PCDH9: variants seen among roughly 807,000 people sequenced by gnomAD.
PCDH9 encodes the protein protocadherin-9.
Under a neutral mutation model 70.6 loss-of-function variants are expected in PCDH9, and 24 were observed. The ratio of observed to expected loss-of-function variants is 0.34; its 90% CI spans 0.25 to 0.48. The LOEUF is 0.48. PCDH9 is among the 20% of genes least tolerant of loss of function. The pLI is 0.99. For synonymous variants in PCDH9, 562 were observed against 558.5 expected (o/e 1.01, Z -0.09); for missense variants, 1,281 against 1,503.6 (o/e 0.85, Z 2.45).
At chr13:67,133,553 T>C (rs2087158895) in intron 2 of PCDH9, among the ~76,000 whole-genome samples, 1 of 152,096 alleles carries the variant, frequency 6.6e-6, no homozygotes, top group African/African-American at 2.4e-5. Context: ...TGTCACAACA[T>C]TTGAGAAAAA....
chr13:66,696,424 A>G (rs2078563348), intron 3 of PCDH9, among the ~76,000 whole-genome samples: 2 of 152,228 alleles, frequency 1.3e-5, no homozygotes, highest in South Asian at 4.1e-4. Flanking sequence ...AACATAAGGT[A>G]AACGTCTTAA....
chr13:66,970,158 T>C (rs1328670347), intron 2 of PCDH9, among the ~76,000 whole-genome samples: 1 of 152,030 alleles, frequency 6.6e-6, no homozygotes, highest in Non-Finnish European at 1.5e-5. Context: ...TTAAACTGAT[T>C]AGAATTTCAG....
intron 2 of PCDH9, among the ~76,000 whole-genome samples, chr13:67,090,889 G>T (rs1428308220): frequency 1.3e-5 from 2 of 151,978 alleles, no homozygotes; most frequent in African/African-American, 4.8e-5. Flanking sequence ...CTTCATCTAG[G>T]TTCTCACAAT....
chr13:66,506,074 C>T lies in PCDH9; in HGVS notation c.3340+125136G>A, dbSNP rs1304605074. Among the ~76,000 whole-genome samples, 4 of 152,254 alleles carry T rather than the reference C, an allele frequency of 2.6e-5. No individual in the cohort carries two copies. The East Asian group carries it at 5.8e-4, about 22-fold the overall frequency. ...CTAACCATGCTCTTATAGTAAATTGCTAATACTTCCTATGTTTCTCTCTTT... is the reference window on the plus strand; with the variant it reads ...CTAACCATGCTCTTATAGTAAATTGTTAATACTTCCTATGTTTCTCTCTTT... On this transcript the variant is annotated intron_variant, in intron 4 of 4. Transcript: ENST00000377865.
chr13:67,005,346 A>G (rs1191085711), intron 2 of PCDH9, among the ~76,000 whole-genome samples: 8 of 152,202 alleles, frequency 5.3e-5, no homozygotes, highest in Admixed American at 5.2e-4. Context: ...TTGGCCACTC[A>G]TTTTGAAGAT....
intron 4 of PCDH9, among the ~76,000 whole-genome samples, chr13:66,398,173 A>G (rs1400340317): frequency 6.6e-6 from 1 of 152,092 alleles, no homozygotes; most frequent in African/African-American, 2.4e-5. Flanking sequence ...GAATTTAAAC[A>G]AAACATGGAG....
intron 3 of PCDH9, among the ~76,000 whole-genome samples, chr13:66,729,973 G>A (rs973796683): frequency 6.6e-6 from 1 of 152,134 alleles, no homozygotes; most frequent in African/African-American, 2.4e-5. Flanking sequence ...CACAAAGTCT[G>A]TAGAATAATA....
At chr13:66,965,785 T>C (rs1416638416) in intron 2 of PCDH9, among the ~76,000 whole-genome samples, 1 of 151,954 alleles carries the variant, frequency 6.6e-6, no homozygotes, top group African/African-American at 2.4e-5. Context: ...ATAGAATAAG[T>C]TCTGATTATT....
At chr13:66,388,627 C>A (rs986798111) in intron 4 of PCDH9, among the ~76,000 whole-genome samples, 3 of 152,090 alleles carry the variant, frequency 2.0e-5, no homozygotes, top group East Asian at 1.9e-4. Flanking sequence ...CCAAGTGATG[C>A]GATTTAATAT....
At chr13:66,714,584 ACTGT>A (rs527875240) in intron 3 of PCDH9, among the ~76,000 whole-genome samples, 18 of 152,206 alleles carry the variant, frequency 1.2e-4, no homozygotes, top group East Asian at 1.2e-3. Context: ...ATGGTATATG[ACTGT>A]CTGTCTATCT....
chr13:66,815,922 A>G (rs1359046761), intron 3 of PCDH9, among the ~76,000 whole-genome samples: 1 of 152,202 alleles, frequency 6.6e-6, no homozygotes, highest in Non-Finnish European at 1.5e-5. Context: ...CATGAAAGTT[A>G]AAAAAATAAC....
At chr13:66,531,486 C>G (rs1028309133) in intron 4 of PCDH9, among the ~76,000 whole-genome samples, 1 of 151,956 alleles carries the variant, frequency 6.6e-6, no homozygotes, top group Non-Finnish European at 1.5e-5. Context: ...TAGTATGTTA[C>G]GAAAGTCTCA....
chr13:66,534,740 C>T (rs371037092), intron 4 of PCDH9, among the ~76,000 whole-genome samples: 3 of 152,112 alleles, frequency 2.0e-5, no homozygotes, highest in South Asian at 2.1e-4. Flanking sequence ...AAGAACTATG[C>T]GAACTGGTGA....
chr13:66,444,648 C>A (rs1010709154), intron 4 of PCDH9, among the ~76,000 whole-genome samples: 1 of 152,088 alleles, frequency 6.6e-6, no homozygotes, highest in Non-Finnish European at 1.5e-5. Context: ...GCAACCTCTG[C>A]CTCCTAGGTT....
intron 2 of PCDH9, among the ~76,000 whole-genome samples, chr13:67,027,463 C>T (rs1184265258): frequency 6.6e-6 from 1 of 152,164 alleles, no homozygotes; most frequent in Non-Finnish European, 1.5e-5. Context: ...ACCATAGAAA[C>T]CCTAGAAGAA....
intron 2 of PCDH9, among the ~76,000 whole-genome samples, chr13:67,005,101 A>G (rs1468878559): frequency 6.8e-6 from 1 of 147,474 alleles, no homozygotes; most frequent in African/African-American, 2.4e-5. Flanking sequence ...AGTGTTTTCT[A>G]TTAAAAACTA....
intron 4 of PCDH9, among the ~76,000 whole-genome samples, chr13:66,472,932 T>A (rs921425580): frequency 6.6e-6 from 1 of 152,064 alleles, no homozygotes; most frequent in Non-Finnish European, 1.5e-5. Flanking sequence ...TTATTATATT[T>A]GGTACTTTAT....
chr13:66,798,276 A>T (rs114396227), intron 3 of PCDH9, among the ~76,000 whole-genome samples: 49 of 152,272 alleles, frequency 3.2e-4, no homozygotes, highest in African/African-American at 1.1e-3. Flanking sequence ...TGAACATTAA[A>T]TGCCGTAAAT....
rs1219651539 is a variant in PCDH9 at position 67,226,039 on chromosome 13, C to T, written c.2402G>A (p.Gly801Glu). 3.1e-6 allele frequency: 5 copies of T among 1,613,986 alleles called. No homozygotes were observed. In the South Asian group the frequency reaches 5.5e-5, roughly 18 times the overall value. Residue 801 changes from glycine to glutamate, a missense_variant, in exon 2 of 5, where the codon GGG becomes GAG. Physicochemically the swap from Gly to Glu is moderately conservative, Grantham distance 98 (BLOSUM62 -2). This residue lies in a region of PCDH9 where 798 missense variants were observed against 1,003.1 expected (regional missense o/e 0.80). Transcript: ENST00000377865. The surrounding 1 kb of genome is among the most constrained non-coding windows in gnomAD (Gnocchi z 5.0). ...ATTTTGATAGGGTTGGCTACTATCC[C>T]CTATGTTCCTGTCCAACGGGGTCTC... is the stretch of plus-strand genomic sequence containing the variant. ...TMETPLDRNI[G>E]DSSQPYQNED...
Sources: gnomAD v4.1 joint callset for allele counts (sites outside exome capture counted in the v4.1 genomes callset) on GRCh38, gnomAD v4.1.1 for gene constraint, gnomAD v4.1.1 regional missense constraint, Gnocchi (gnomAD v3.1) non-coding constraint, MANE v1.5 for transcripts, NCBI Gene and HGNC (gene_info 2026-07-23, HGNC 2026-07-21) for gene names.